Variants in NEGR1 observed in about 807,000 individuals in gnomAD.
NEGR1 encodes the protein neuronal growth regulator 1, also known as IgLON family member 4.
Under a neutral mutation model 40.9 loss-of-function variants are expected in NEGR1, and 10 were observed. The ratio of observed to expected loss-of-function variants is 0.24; its 90% CI spans 0.15 to 0.42. The LOEUF is 0.42. NEGR1 is among the 10% of genes least tolerant of loss of function. NEGR1 has a pLI of 1.00. For missense variants in NEGR1, 352 were observed against 438.9 expected (o/e 0.80, Z 1.77); for synonymous variants, 185 against 166.8 (o/e 1.11, Z -0.84).
chr1:71,983,882 T>A (rs1213791649), intron 1 of NEGR1, among the ~76,000 whole-genome samples: 2 of 152,186 alleles, frequency 1.3e-5, no homozygotes, highest in Non-Finnish European at 2.9e-5. Flanking sequence ...TCAACATATT[T>A]TTTACTAAAA....
intron 1 of NEGR1, among the ~76,000 whole-genome samples, chr1:72,005,365 A>G (rs1178499723): frequency 2.0e-5 from 3 of 152,172 alleles, no homozygotes; most frequent in Non-Finnish European, 2.9e-5. Flanking sequence ...ACTAAGATGT[A>G]TGTATGAATC....
intron 6 of NEGR1, among the ~76,000 whole-genome samples, chr1:71,435,116 A>C (rs1353856371): frequency 1.3e-5 from 2 of 151,754 alleles, no homozygotes; most frequent in African/African-American, 2.4e-5. Context: ...CAAACAAAAA[A>C]AAAAAAAAAA....
At chr1:72,154,517 G>A (rs907542372) in intron 1 of NEGR1, among the ~76,000 whole-genome samples, 1 of 151,820 alleles carries the variant, frequency 6.6e-6, no homozygotes, top group Non-Finnish European at 1.5e-5. Flanking sequence ...GAATGAGAAC[G>A]ATTCTAGGAA....
intron 1 of NEGR1, among the ~76,000 whole-genome samples, chr1:71,998,818 T>G (rs1215775856): frequency 6.6e-6 from 1 of 151,616 alleles, no homozygotes; most frequent in Admixed American, 6.6e-5. Context: ...TGTTGATATA[T>G]AAAATGAATA....
intron 2 of NEGR1, among the ~76,000 whole-genome samples, chr1:71,793,188 T>C (rs1178289323): frequency 2.0e-5 from 1 of 50,652 alleles, no homozygotes; most frequent in Non-Finnish European, 4.2e-5. Context: ...ATGTTCTTTT[T>C]TTTTTTTTTT....
Position 71,671,729 on chromosome 1 carries a change from T to A in NEGR1, c.667+26279A>T, listed in dbSNP as rs192705540. Reference sequence around the variant, plus strand: ...GTTCTTCTCACTGGTCTCTATTCTGTTCAACCTTCTTTGACTGCAACTGTA... The same window carrying A: ...GTTCTTCTCACTGGTCTCTATTCTGATCAACCTTCTTTGACTGCAACTGTA... On this transcript the variant is annotated intron_variant, in intron 4 of 6. Coordinates refer to ENST00000357731, the MANE Select transcript of NEGR1 (RefSeq NM_173808.3). 2.2e-3 allele frequency among the ~76,000 whole-genome samples: 342 copies of A among 152,270 alleles called. 3 individuals carry two copies. The highest frequency in any genetic ancestry group is 0.019 in the Admixed American group (286 of 15,292).
At chr1:71,934,469 T>C (rs1356574617) in intron 2 of NEGR1, among the ~76,000 whole-genome samples, 1 of 152,140 alleles carries the variant, frequency 6.6e-6, no homozygotes, top group East Asian at 1.9e-4. Flanking sequence ...AAAGAAATCC[T>C]AGAAGGCTGC....
intron 1 of NEGR1, among the ~76,000 whole-genome samples, chr1:72,059,271 C>T (rs570458185): frequency 9.2e-5 from 14 of 151,484 alleles, no homozygotes; most frequent in African/African-American, 3.1e-4. Context: ...GCATCCAACG[C>T]CACAAAGTTC....
chr1:71,645,528 A>G (rs1416261863), intron 4 of NEGR1, among the ~76,000 whole-genome samples: 1 of 151,930 alleles, frequency 6.6e-6, no homozygotes, highest in East Asian at 1.9e-4. Context: ...CACAGCAGAA[A>G]AAAAATCTTC....
intron 5 of NEGR1, among the ~76,000 whole-genome samples, chr1:71,598,840 A>G (rs924676092): frequency 6.6e-6 from 1 of 152,180 alleles, no homozygotes; most frequent in East Asian, 1.9e-4. Flanking sequence ...TATCATCATA[A>G]CGTCAAATAC....
chr1:71,961,746 T>G (rs1022328721), intron 1 of NEGR1, among the ~76,000 whole-genome samples: 5 of 152,126 alleles, frequency 3.3e-5, no homozygotes, highest in African/African-American at 9.6e-5. Context: ...CTGTAAAATA[T>G]CAATATTAAC....
At chr1:72,091,267 A>G (rs919579494) in intron 1 of NEGR1, among the ~76,000 whole-genome samples, 3 of 152,168 alleles carry the variant, frequency 2.0e-5, no homozygotes, top group Non-Finnish European at 4.4e-5. Flanking sequence ...TATATCTACA[A>G]TGATGGTGAC....
chr1:72,203,202 A>G (rs1257113511), intron 1 of NEGR1, among the ~76,000 whole-genome samples: 2 of 152,126 alleles, frequency 1.3e-5, no homozygotes, highest in Admixed American at 1.3e-4. Context: ...GGATCTGAGT[A>G]AAGGAAATTG....
chr1:72,145,832 T>C lies in NEGR1; in HGVS notation c.176+136487A>G, dbSNP rs563414949. 2.6e-5 allele frequency among the ~76,000 whole-genome samples: 4 copies of C among 152,290 alleles called. No homozygotes were observed. In the East Asian group the frequency reaches 7.7e-4, roughly 29 times the overall value. On this transcript the variant is annotated intron_variant, in intron 1 of 6. Coordinates refer to ENST00000357731, the MANE Select transcript of NEGR1 (RefSeq NM_173808.3). ...CATTCTACTGATTTTCTTAAAATAT[T>C]TTTTTCTTGGTGATTGACACTCCAA...
chr1:71,735,964 T>C (rs1207051281), intron 3 of NEGR1, among the ~76,000 whole-genome samples: 1 of 152,072 alleles, frequency 6.6e-6, no homozygotes, highest in African/African-American at 2.4e-5. Flanking sequence ...TTACCTTTTA[T>C]TGAAATGATC....
At chr1:71,420,126 TAATA>T (rs1646385078) in intron 6 of NEGR1, among the ~76,000 whole-genome samples, 1 of 152,138 alleles carries the variant, frequency 6.6e-6, no homozygotes, top group Non-Finnish European at 1.5e-5. Context: ...TTCCCTGCAT[TAATA>T]AATGTTTCAG....
intron 2 of NEGR1, among the ~76,000 whole-genome samples, chr1:71,811,862 ATT>A (rs1405455292): frequency 8.7e-6 from 1 of 114,888 alleles, no homozygotes; most frequent in African/African-American, 3.6e-5. Flanking sequence ...CTATTTATTT[ATT>A]TTATTTTATT....
At chr1:71,736,587 A>T (rs550469072) in intron 3 of NEGR1, among the ~76,000 whole-genome samples, 1 of 152,234 alleles carries the variant, frequency 6.6e-6, no homozygotes, top group South Asian at 2.1e-4. Context: ...GAGCCAGCAA[A>T]AGCTGCCACC....
Position 71,527,987 on chromosome 1 carries a change from A to G in NEGR1, c.940+64830T>C, listed in dbSNP as rs116162194. ...AGACACAACCCAATGTAAAGCAAACAGTGTTACGTAGCTTTTGTCAGGAAA... is the reference window on the plus strand; with the variant it reads ...AGACACAACCCAATGTAAAGCAAACGGTGTTACGTAGCTTTTGTCAGGAAA... On this transcript the variant is annotated intron_variant, in intron 6 of 6. Coordinates refer to ENST00000357731, the MANE Select transcript of NEGR1 (RefSeq NM_173808.3). Among the ~76,000 whole-genome samples the G allele has an allele frequency of 7.9e-3, 1,204 of 151,470 alleles. 18 individuals are homozygous for G. The highest frequency in any genetic ancestry group is 0.028 in the African/African-American group (1,149 of 41,456).
Sources: allele counts gnomAD v4.1 joint callset (sites outside exome capture counted in the v4.1 genomes callset), GRCh38; gene constraint gnomAD v4.1.1; transcripts MANE v1.5; gene names NCBI Gene and HGNC (gene_info 2026-07-23, HGNC 2026-07-21).